The following FBXW8 variants were observed in gnomAD, a reference collection of about 807,000 sequenced individuals.
FBXW8 encodes the protein F-box and WD repeat domain containing 8, also known as F-box/WD repeat-containing protein 8.
A neutral mutation model predicts 65.3 loss-of-function variants in FBXW8; 57 were observed. The observed-to-expected ratio is 0.87, with a 90% CI of 0.71 to 1.09. FBXW8 has a LOEUF of 1.09. Among genes scored for constraint, FBXW8 ranks in the 50% least tolerant of loss-of-function variants. The probability of loss-of-function intolerance (pLI) is 0.00; values close to 1 mark genes in which losing one functional copy is unlikely to be tolerated. For synonymous variants in FBXW8, 308 were observed against 330.2 expected (o/e 0.93, Z 0.73); for missense variants, 777 against 814.8 (o/e 0.95, Z 0.57).
intron 4 of FBXW8, among the ~76,000 whole-genome samples, chr12:116,958,873 C>T (rs957698224): frequency 6.6e-6 from 1 of 152,218 alleles, no homozygotes; most frequent in African/African-American, 2.4e-5. Flanking sequence ...GGATGAAACA[C>T]AGCTTCAGAA....
chr12:117,030,260 C>T lies in FBXW8; in HGVS notation c.*2088C>T, dbSNP rs78165968. The T allele has an allele frequency of 2.6e-5, 4 of 152,308 alleles. No homozygotes were observed. The East Asian group carries it at 5.8e-4, about 22-fold the overall frequency. 9.4% of individuals were successfully genotyped at this position (152,308 alleles called of 1,614,324 possible). Reference sequence around the variant, plus strand: ...GACTGGGAAGCGTCACCTTCCCGTCCAGAGCGCTTTCTTTCAGACCCTGCC... The same window carrying T: ...GACTGGGAAGCGTCACCTTCCCGTCTAGAGCGCTTTCTTTCAGACCCTGCC... On this transcript the variant is annotated 3_prime_UTR_variant, in exon 11 of 11. Transcript: ENST00000652555.
chr12:116,979,889 G>A (rs1885190312), intron 5 of FBXW8, among the ~76,000 whole-genome samples: 1 of 152,008 alleles, frequency 6.6e-6, no homozygotes, highest in Admixed American at 6.6e-5. Flanking sequence ...GGCCTACTGT[G>A]CAGGAGAGAA....
chr12:116,927,384 G>T (rs1224765276), intron 1 of FBXW8, among the ~76,000 whole-genome samples: 1 of 152,190 alleles, frequency 6.6e-6, no homozygotes, highest in Non-Finnish European at 1.5e-5. Context: ...AGGTTAACCA[G>T]TGTAAGCCCC....
intron 9 of FBXW8, among the ~76,000 whole-genome samples, chr12:117,024,996 T>TA (rs1312460707): frequency 6.6e-6 from 1 of 152,144 alleles, no homozygotes; most frequent in East Asian, 1.9e-4. Context: ...CCTAACTGGT[T>TA]AAGACATTTC....
intron 1 of FBXW8, among the ~76,000 whole-genome samples, chr12:116,921,704 A>C (rs1326328280): frequency 6.6e-6 from 1 of 152,192 alleles, no homozygotes; most frequent in African/African-American, 2.4e-5. Context: ...GTCTGTGAAA[A>C]TATCATGTGC....
intron 1 of FBXW8, among the ~76,000 whole-genome samples, chr12:116,919,430 T>G (rs1880706975): frequency 6.6e-6 from 1 of 152,214 alleles, no homozygotes; most frequent in African/African-American, 2.4e-5. Flanking sequence ...TGTTAGTACC[T>G]ATCTCGTGAA....
chr12:116,913,325 A>G (rs1472804025), intron 1 of FBXW8, among the ~76,000 whole-genome samples: 1 of 152,210 alleles, frequency 6.6e-6, no homozygotes, highest in African/African-American at 2.4e-5. Flanking sequence ...TGACCTTTGA[A>G]CAACCTGGGG....
At chr12:116,916,608 ACCAT>A (rs1271335207) in intron 1 of FBXW8, among the ~76,000 whole-genome samples, 2 of 151,822 alleles carry the variant, frequency 1.3e-5, no homozygotes, top group East Asian at 3.9e-4. Flanking sequence ...GCATGAGAAA[ACCAT>A]CCAAGCTGGG....
Position 116,940,181 on chromosome 12 carries a change from G to A in FBXW8, c.424-5183G>A, listed in dbSNP as rs530237178. Among the ~76,000 whole-genome samples the A allele has an allele frequency of 5.3e-5, 8 of 152,240 alleles. No individual in the cohort carries two copies. In the South Asian group the frequency reaches 1.5e-3, roughly 28 times the overall value. On this transcript the variant is annotated intron_variant, in intron 2 of 10. Coordinates refer to ENST00000652555, the MANE Select transcript of FBXW8 (RefSeq NM_153348.3). ...CCAGGGTGGGCTGCTTAATGGATCC[G>A]TGTCAGCCTGGGGGGTGGGCTCCAG...
intron 8 of FBXW8, among the ~76,000 whole-genome samples, chr12:117,015,616 T>C (rs983604469): frequency 6.6e-6 from 1 of 152,194 alleles, no homozygotes; most frequent in African/African-American, 2.4e-5. Context: ...AGGCTGTAAC[T>C]GGGTTGCTAA....
intron 4 of FBXW8, among the ~76,000 whole-genome samples, chr12:116,959,892 T>C (rs1176507731): frequency 6.6e-6 from 1 of 152,180 alleles, no homozygotes; most frequent in Non-Finnish European, 1.5e-5. Context: ...CTGGGGCATA[T>C]CCTCATTTGG....
chr12:116,917,991 CAAAA>C (rs11451674), intron 1 of FBXW8, among the ~76,000 whole-genome samples: 1 of 118,180 alleles, frequency 8.5e-6, no homozygotes, highest in Non-Finnish European at 1.6e-5. Context: ...GACTCCACCT[CAAAA>C]AAAAAAAAAC....
chr12:117,011,109 C>T (rs1172365931), intron 8 of FBXW8, among the ~76,000 whole-genome samples: 2 of 145,502 alleles, frequency 1.4e-5, no homozygotes, highest in Non-Finnish European at 3.0e-5. Context: ...CCTCTTCTTT[C>T]CTTGTTTTTT....
intron 1 of FBXW8, among the ~76,000 whole-genome samples, chr12:116,922,029 T>C (rs2137297229): frequency 6.6e-6 from 1 of 152,192 alleles, no homozygotes; most frequent in East Asian, 1.9e-4. Context: ...AGTGTCTCAC[T>C]ATGTTACCTG....
Position 117,024,318 on chromosome 12 carries a change from C to CGGGTAAGGTGCATTCT in FBXW8, c.1540_1541+14dup. 6.2e-7 allele frequency: 1 copy of CGGGTAAGGTGCATTCT among 1,614,056 alleles called. No individual in the cohort carries two copies. Among genetic ancestry groups the CGGGTAAGGTGCATTCT allele is most frequent in the Non-Finnish European group, 8.5e-7 (1 of 1,179,962 alleles). ...ACCAGAAGCTGTGGGAGGTGTATTCCGGGTAAGGTGCATTCTAGACACTCT... is the reference window on the plus strand; with the variant it reads ...ACCAGAAGCTGTGGGAGGTGTATTCCGGGTAAGGTGCATTCTGGGTAAGGTGCATTCTAGACACTCT... On this transcript the variant is annotated stop_gained and frameshift_variant and splice_region_variant, in exon 9 of 11. Coordinates refer to ENST00000652555, the MANE Select transcript of FBXW8 (RefSeq NM_153348.3). LOFTEE classifies it high-confidence loss of function.
chr12:116,989,417 T>C (rs891428862), intron 7 of FBXW8, among the ~76,000 whole-genome samples: 1 of 152,228 alleles, frequency 6.6e-6, no homozygotes, highest in African/African-American at 2.4e-5. Context: ...ATATATAGTG[T>C]ATCTCTAGGA....
chr12:116,967,270 C>G (rs575552048), intron 5 of FBXW8, among the ~76,000 whole-genome samples: 60 of 151,774 alleles, frequency 4.0e-4, no homozygotes, highest in African/African-American at 1.3e-3. Flanking sequence ...CATTATGTGG[C>G]TGTACCATCA....
At chr12:116,926,500 C>T (rs562600639) in intron 1 of FBXW8, among the ~76,000 whole-genome samples, 66 of 152,188 alleles carry the variant, frequency 4.3e-4, no homozygotes, top group African/African-American at 1.4e-3. Context: ...GTATCTGGGC[C>T]GAGAGAGAAA....
At chr12:117,000,044 C>G (rs536260147) in intron 7 of FBXW8, among the ~76,000 whole-genome samples, 1 of 148,526 alleles carries the variant, frequency 6.7e-6, no homozygotes, top group Non-Finnish European at 1.5e-5. Flanking sequence ...CGCAGTGGCG[C>G]GATCTCTGCT....
Sources: gnomAD v4.1 joint callset for allele counts (sites outside exome capture counted in the v4.1 genomes callset) on GRCh38, gnomAD v4.1.1 for gene constraint, MANE v1.5 for transcripts, NCBI Gene and HGNC (gene_info 2026-07-23, HGNC 2026-07-21) for gene names.